PTPRD: variants seen among roughly 807,000 people sequenced by gnomAD.
PTPRD encodes the protein receptor-type tyrosine-protein phosphatase delta.
PTPRD carries 34 observed loss-of-function variants against 214.5 expected under a neutral mutation model. That is an observed-to-expected ratio of 0.16 (90% CI 0.12 to 0.21). PTPRD has a LOEUF of 0.21. Ranked by LOEUF, PTPRD falls within the 10% of genes least tolerant of loss-of-function variation. The probability of loss-of-function intolerance (pLI) is 1.00; values close to 1 mark genes in which losing one functional copy is unlikely to be tolerated. For synonymous variants in PTPRD, 1,128 were observed against 845.7 expected, an observed-to-expected ratio of 1.33 and a Z score of -5.79; for missense variants, 2,545 against 2,398.7, an observed-to-expected ratio of 1.06 and a Z score of -1.27.
chr9:10,395,434 G>A (rs1335025101), intron 2 of PTPRD, among the ~76,000 whole-genome samples: 1 of 151,700 alleles, frequency 6.6e-6, no homozygotes, highest in African/African-American at 2.4e-5. Flanking sequence ...GGCTTCTGCA[G>A]GCTCTCTAAA....
At chr9:9,189,493 G>T (rs1437848037) in intron 9 of PTPRD, among the ~76,000 whole-genome samples, 1 of 151,966 alleles carries the variant, frequency 6.6e-6, no homozygotes, top group Non-Finnish European at 1.5e-5. Context: ...GAACCCATCA[G>T]GGTTTATCTA....
chr9:9,329,339 C>G (rs938589619), intron 9 of PTPRD, among the ~76,000 whole-genome samples: 1 of 152,018 alleles, frequency 6.6e-6, no homozygotes, highest in Non-Finnish European at 1.5e-5. Flanking sequence ...CTATATGACC[C>G]CATTTCATCT....
chr9:8,821,170 G>A (rs531357359), intron 11 of PTPRD, among the ~76,000 whole-genome samples: 7 of 152,296 alleles, frequency 4.6e-5, no homozygotes, highest in Middle Eastern at 3.4e-3. Context: ...TGGGGTTTAA[G>A]TAGTGAGAAA....
chr9:10,590,243 T>C (rs1430530566), intron 2 of PTPRD, among the ~76,000 whole-genome samples: 4 of 152,018 alleles, frequency 2.6e-5, no homozygotes, highest in Admixed American at 6.6e-5. Context: ...CAGGTAGTAG[T>C]TGGAAAATGT....
At chr9:9,596,160 C>T (rs1246858005) in intron 7 of PTPRD, among the ~76,000 whole-genome samples, 1 of 151,726 alleles carries the variant, frequency 6.6e-6, no homozygotes, top group Non-Finnish European at 1.5e-5. Context: ...TTAAGTTAAA[C>T]AAATAATTTA....
At chr9:9,241,404 A>G (rs1373701130) in intron 9 of PTPRD, among the ~76,000 whole-genome samples, 2 of 152,128 alleles carry the variant, frequency 1.3e-5, no homozygotes, top group African/African-American at 2.4e-5. Context: ...TCTCTTTGTA[A>G]TAGGATACAA....
At chr9:8,446,677 G>A (rs749464448) in intron 34 of PTPRD, among the ~76,000 whole-genome samples, 95 of 152,222 alleles carry the variant, frequency 6.2e-4, no homozygotes, top group Non-Finnish European at 1.1e-3. Context: ...TTGGGGATAA[G>A]CAATTATACA....
chr9:9,657,509 G>C (rs535571042), intron 7 of PTPRD, among the ~76,000 whole-genome samples: 40 of 152,260 alleles, frequency 2.6e-4, no homozygotes, highest in Admixed American at 1.3e-3. Context: ...TAAATGACGA[G>C]TTGATGAGTG....
chr9:10,358,839 G>T (rs926629556), intron 2 of PTPRD, among the ~76,000 whole-genome samples: 1 of 151,842 alleles, frequency 6.6e-6, no homozygotes, highest in African/African-American at 2.4e-5. Context: ...ACTAAGTAAT[G>T]CATATTGTAT....
At chr9:9,063,689 G>T (rs530333374) in intron 10 of PTPRD, among the ~76,000 whole-genome samples, 10 of 152,144 alleles carry the variant, frequency 6.6e-5, no homozygotes, top group Non-Finnish European at 1.5e-4. Context: ...AAACCATTTA[G>T]CTTAGTGTAG....
At chr9:8,364,263 A>G (rs1205027835) in intron 39 of PTPRD, among the ~76,000 whole-genome samples, 1 of 152,264 alleles carries the variant, frequency 6.6e-6, no homozygotes, top group Non-Finnish European at 1.5e-5. Flanking sequence ...ACGTTAAGAA[A>G]TACAGAAGCA....
At chr9:9,158,893 T>G (rs1349003795) in intron 10 of PTPRD, among the ~76,000 whole-genome samples, 1 of 152,160 alleles carries the variant, frequency 6.6e-6, no homozygotes, top group Non-Finnish European at 1.5e-5. Context: ...GGGACGCAAG[T>G]ATGGTTCAAC....
At chr9:9,972,649 C>T (rs2095172299) in intron 4 of PTPRD, among the ~76,000 whole-genome samples, 1 of 152,118 alleles carries the variant, frequency 6.6e-6, no homozygotes, top group African/African-American at 2.4e-5. Flanking sequence ...CCAATATCAA[C>T]CTCACTATGC....
intron 11 of PTPRD, among the ~76,000 whole-genome samples, chr9:8,789,098 C>T (rs1319273044): frequency 2.0e-5 from 3 of 152,144 alleles, no homozygotes; most frequent in Non-Finnish European, 4.4e-5. Context: ...AGCCAGTTGA[C>T]TGCCTGAAGG....
chr9:8,899,792 G>A lies in PTPRD; in HGVS notation c.-104+118905C>T, dbSNP rs148267311. ...GCATGTTTTAGGTATCCTTGTGGGT[G>A]AGTGCTTGGCAGTCGGCATGTTGCC... On this transcript the variant is annotated intron_variant, in intron 11 of 45. Transcript: ENST00000381196. 8.2e-3 allele frequency among the ~76,000 whole-genome samples: 1,243 copies of A among 152,316 alleles called. 6 individuals carry two copies. Among genetic ancestry groups the A allele is most frequent in the Non-Finnish European group, 0.014 (952 of 68,024 alleles).
At chr9:9,071,173 C>A (rs576941281) in intron 10 of PTPRD, among the ~76,000 whole-genome samples, 1 of 152,156 alleles carries the variant, frequency 6.6e-6, no homozygotes, top group African/African-American at 2.4e-5. Context: ...TTCTGTGGCA[C>A]GTAAAACTTG....
At chr9:8,618,919 T>G (rs1414647926) in intron 14 of PTPRD, among the ~76,000 whole-genome samples, 4 of 140,220 alleles carry the variant, frequency 2.9e-5, no homozygotes, top group Non-Finnish European at 4.6e-5. Context: ...TTTTTGTTTT[T>G]TTTTTTTTTT....
intron 11 of PTPRD, among the ~76,000 whole-genome samples, chr9:8,930,488 G>T (rs891801083): frequency 5.3e-5 from 8 of 152,088 alleles, no homozygotes; most frequent in African/African-American, 1.9e-4. Flanking sequence ...GTAATGGGAT[G>T]GCTGGGTCAA....
chr9:10,045,263 T>G (rs2097367872), intron 3 of PTPRD, among the ~76,000 whole-genome samples: 1 of 151,778 alleles, frequency 6.6e-6, no homozygotes, highest in South Asian at 2.1e-4. Flanking sequence ...AATATTTTTT[T>G]GGAAAAACAT....
Sources: allele counts gnomAD v4.1 joint callset (sites outside exome capture counted in the v4.1 genomes callset), GRCh38; gene constraint gnomAD v4.1.1; transcripts MANE v1.5; gene names NCBI Gene and HGNC (gene_info 2026-07-23, HGNC 2026-07-21).